The following CTNNA3 variants were observed in gnomAD, a reference collection of about 807,000 sequenced individuals.
CTNNA3 encodes the protein catenin alpha 3, also known as catenin alpha-3.
In CTNNA3, 76 loss-of-function variants were observed where a neutral mutation model predicts 95.7. That is an observed-to-expected ratio of 0.79 (90% confidence interval 0.66 to 0.96). The LOEUF is 0.96. Ranked by LOEUF, CTNNA3 falls within the 40% of genes least tolerant of loss-of-function variation. The pLI is 0.00. For missense variants in CTNNA3, 1,191 were observed against 1,089.8 expected, an observed-to-expected ratio of 1.09 and a Z score of -1.31; for synonymous variants, 431 against 374.4, an observed-to-expected ratio of 1.15 and a Z score of -1.74.
chr10:66,508,846 TGG>T (rs771561765), intron 11 of CTNNA3, among the ~76,000 whole-genome samples: 13 of 152,240 alleles, frequency 8.5e-5, no homozygotes, highest in South Asian at 6.2e-4. Flanking sequence ...GCAATAAACA[TGG>T]GGTTGCAGAT....
At chr10:67,587,034 T>G (rs1428437217) in intron 3 of CTNNA3, among the ~76,000 whole-genome samples, 4 of 152,030 alleles carry the variant, frequency 2.6e-5, no homozygotes, top group African/African-American at 9.7e-5. Context: ...AGTACTCTCT[T>G]TTTTGTGTGA....
chr10:66,801,238 G>A (rs193237894), intron 7 of CTNNA3, among the ~76,000 whole-genome samples: 50 of 151,368 alleles, frequency 3.3e-4, no homozygotes, highest in African/African-American at 1.2e-3. Context: ...ATAAAATCAC[G>A]TGAAATTAAT....
chr10:65,988,565 G>T, intron 16 of CTNNA3, 127 bp downstream of exon 16: 1 of 645,856 alleles, frequency 1.5e-6, no homozygotes, highest in Non-Finnish European at 2.7e-6. Flanking sequence ...AGAGCTATTA[G>T]AAATTCAATT....
At chr10:67,743,086 G>T (rs1841352157) in intron 1 of CTNNA3, among the ~76,000 whole-genome samples, 1 of 151,168 alleles carries the variant, frequency 6.6e-6, no homozygotes, top group South Asian at 2.1e-4. Context: ...AACAGGAGCT[G>T]GTACCATTCC....
chr10:66,298,723 G>A (rs2091818933), intron 12 of CTNNA3, among the ~76,000 whole-genome samples: 2 of 152,086 alleles, frequency 1.3e-5, no homozygotes. Flanking sequence ...AAGTGATCTA[G>A]TCAGCCAAAA....
chr10:66,089,360 T>C (rs533917513), intron 14 of CTNNA3, among the ~76,000 whole-genome samples: 49 of 151,572 alleles, frequency 3.2e-4, no homozygotes, highest in Non-Finnish European at 6.2e-4. Context: ...CTCCCTTCCT[T>C]TGCTCCCTTC....
At chr10:66,123,312 C>G (rs2082666729) in intron 13 of CTNNA3, among the ~76,000 whole-genome samples, 1 of 152,130 alleles carries the variant, frequency 6.6e-6, no homozygotes, top group South Asian at 2.1e-4. Context: ...CTTAAAGCTC[C>G]AAAATGATCT....
At chr10:66,166,228 G>C (rs1281381066) in intron 13 of CTNNA3, among the ~76,000 whole-genome samples, 1 of 151,942 alleles carries the variant, frequency 6.6e-6, no homozygotes, top group Non-Finnish European at 1.5e-5. Context: ...GGCTGAGGTG[G>C]CCGGATCACC....
At chr10:67,477,436 A>G (rs1026334519) in intron 5 of CTNNA3, among the ~76,000 whole-genome samples, 22 of 152,234 alleles carry the variant, frequency 1.4e-4, no homozygotes, top group Non-Finnish European at 7.4e-5. Context: ...AGCTTCTCCC[A>G]GTAAACAATG....
At chr10:66,643,211 G>T (rs1490526400) in intron 9 of CTNNA3, among the ~76,000 whole-genome samples, 1 of 152,106 alleles carries the variant, frequency 6.6e-6, no homozygotes, top group Non-Finnish European at 1.5e-5. Flanking sequence ...GCAATCAGGA[G>T]TCCACATTAT....
chr10:67,685,867 CCTCT>C (rs1184065045), intron 1 of CTNNA3, among the ~76,000 whole-genome samples: 6 of 151,882 alleles, frequency 4.0e-5, no homozygotes, highest in Non-Finnish European at 8.8e-5. Context: ...TCTGTATCTT[CCTCT>C]CTCTGTCTCT....
intron 5 of CTNNA3, among the ~76,000 whole-genome samples, chr10:67,409,483 G>A (rs1845282605): frequency 6.6e-6 from 1 of 152,068 alleles, no homozygotes; most frequent in Non-Finnish European, 1.5e-5. Context: ...ACTAATGCAG[G>A]AACAGAAAAC....
intron 1 of CTNNA3, among the ~76,000 whole-genome samples, chr10:67,690,803 G>A (rs568266863): frequency 2.1e-4 from 32 of 152,334 alleles, no homozygotes; most frequent in Non-Finnish European, 3.7e-4. Flanking sequence ...AAAGGAGCTT[G>A]TACCAGAATG....
At chr10:66,984,609 C>T (rs1244462693) in intron 7 of CTNNA3, among the ~76,000 whole-genome samples, 1 of 152,060 alleles carries the variant, frequency 6.6e-6, no homozygotes, top group Non-Finnish European at 1.5e-5. Flanking sequence ...GTTCATGATT[C>T]CTTTTAATAT....
At chr10:66,632,555 CAAA>C (rs10559608) in intron 9 of CTNNA3, among the ~76,000 whole-genome samples, 5,063 of 100,806 alleles carry the variant, frequency 0.05, 130 homozygotes, top group African/African-American at 0.12. Context: ...AACTCCATCT[CAAA>C]AAAAAAAAAA....
intron 5 of CTNNA3, among the ~76,000 whole-genome samples, chr10:67,234,449 G>C (rs557168582): frequency 2.0e-5 from 3 of 152,280 alleles, no homozygotes; most frequent in African/African-American, 2.4e-5. Context: ...AAAGGCCTTT[G>C]ACAAAATTCA....
chr10:67,068,531 C>T (rs943410449), intron 7 of CTNNA3, among the ~76,000 whole-genome samples: 4 of 152,068 alleles, frequency 2.6e-5, no homozygotes, highest in Admixed American at 2.6e-4. Flanking sequence ...GTTAAAATCA[C>T]ACAAAGAATT....
intron 15 of CTNNA3, among the ~76,000 whole-genome samples, chr10:66,043,885 AG>A (rs2079760626): frequency 6.6e-6 from 1 of 152,040 alleles, no homozygotes; most frequent in South Asian, 2.1e-4. Flanking sequence ...ATTATTTTGT[AG>A]GAGGCATACC....
At chr10:67,559,242 G>A (rs1841386187) in intron 3 of CTNNA3, among the ~76,000 whole-genome samples, 1 of 152,230 alleles carries the variant, frequency 6.6e-6, no homozygotes, top group African/African-American at 2.4e-5. Flanking sequence ...GCAACCCCCA[G>A]TAGGGGCAGA....
Sources: allele counts gnomAD v4.1 joint callset (sites outside exome capture counted in the v4.1 genomes callset), GRCh38; gene constraint gnomAD v4.1.1; transcripts MANE v1.5; gene names NCBI Gene and HGNC (gene_info 2026-07-23, HGNC 2026-07-21).